The following IQCH variants were observed in gnomAD, a reference collection of about 807,000 sequenced individuals.
The protein encoded by IQCH is IQ domain-containing protein H.
IQCH carries 98 observed loss-of-function variants against 117.0 expected under a neutral mutation model. That is an observed-to-expected ratio of 0.84 (90% CI 0.71 to 0.99). The LOEUF (loss-of-function observed/expected upper bound fraction) is 0.99. Ranked by LOEUF, IQCH falls within the 50% of genes least tolerant of loss-of-function variation. The pLI, the probability that IQCH is intolerant of heterozygous loss-of-function variation, is 0.00. For missense variants in IQCH, 1,102 were observed against 1,243.8 expected (o/e 0.89, Z 1.72); for synonymous variants, 412 against 448.2 (o/e 0.92, Z 1.02).
chr15:67,398,529 G>T (rs941791975), intron 13 of IQCH, among the ~76,000 whole-genome samples: 2 of 152,108 alleles, frequency 1.3e-5, no homozygotes, highest in Admixed American at 1.3e-4. Flanking sequence ...CCCCATAGTT[G>T]TATGAGGTTT....
rs990381026 is a variant in IQCH at position 67,370,931 on chromosome 15, T to A, written c.754-1180T>A. On this transcript the variant is annotated intron_variant, in intron 8 of 20. Transcript: ENST00000335894. The surrounding 1 kb of genome is among the most constrained non-coding windows in gnomAD (Gnocchi z 5.6). Reference sequence around the variant, plus strand: ...TCTGATATAGTAATACTCAACACAGTGCTGTGGCGTAATCATTATGGATAA... The same window carrying A: ...TCTGATATAGTAATACTCAACACAGAGCTGTGGCGTAATCATTATGGATAA... Among the ~76,000 whole-genome samples, 2 of 146,422 alleles carry A rather than the reference T, an allele frequency of 1.4e-5. No individual in the cohort carries two copies. The highest frequency in any genetic ancestry group is 2.5e-5 in the African/African-American group (1 of 39,976).
chr15:67,320,903 G>A (rs1596173995), intron 4 of IQCH, among the ~76,000 whole-genome samples: 1 of 152,164 alleles, frequency 6.6e-6, no homozygotes, highest in Non-Finnish European at 1.5e-5. Context: ...ATACCATTAA[G>A]CCACCTGGAG....
At chr15:67,279,283 G>C (rs1966252018) in intron 3 of IQCH, 112 bp from the exon 4 acceptor site, 1 of 637,548 alleles carries the variant, frequency 1.6e-6, no homozygotes, top group South Asian at 1.9e-5. Context: ...ATTACCAATA[G>C]AATATTTCCT....
chr15:67,418,907 C>T (rs1262730368), intron 15 of IQCH, among the ~76,000 whole-genome samples: 4 of 150,500 alleles, frequency 2.7e-5, no homozygotes, highest in Non-Finnish European at 3.0e-5. Flanking sequence ...TTTAAGTTAT[C>T]GGGGGAAGAC....
rs5813432 is a variant in IQCH, at chr15:67,261,093, CA to C, written c.52-163del. Among the ~76,000 whole-genome samples the C allele has an allele frequency of 7.1e-3, 891 of 126,360 alleles. 23 individuals are homozygous for C. Among genetic ancestry groups the C allele is most frequent in the Admixed American group, 0.049 (599 of 12,288 alleles). The allele number at this position is 126,360 out of a possible 152,430, so 82.9% of individuals were successfully genotyped here. On this transcript the variant is annotated intron_variant, in intron 1 of 20. Coordinates refer to ENST00000335894, the MANE Select transcript of IQCH (RefSeq NM_001031715.3). ...TCTGAGCAAGAGTGAAATTCCATCT[CA>C]AAAAAAAAAAAAAAAGAATGCCTTA... is the stretch of plus-strand genomic sequence containing the variant.
At chr15:67,478,398 G>A (rs2083258772) in intron 18 of IQCH, among the ~76,000 whole-genome samples, 1 of 151,652 alleles carries the variant, frequency 6.6e-6, no homozygotes. Flanking sequence ...AAAAGAAAAG[G>A]CAGACAGAGG....
chr15:67,333,310 G>A (rs1287545083), intron 4 of IQCH, among the ~76,000 whole-genome samples: 2 of 152,166 alleles, frequency 1.3e-5, no homozygotes, highest in African/African-American at 4.8e-5. Context: ...GAGCCTTCAT[G>A]CCTAAAATGT....
rs2083349088 is a variant in IQCH, at chr15:67,481,913, C to A, written c.2799+6095C>A. ...CCTTGGGCCCTCAACTATCTACAGG[C>A]AGGAAGTGGGTGAGAAAGTTTTAAA... On this transcript the variant is annotated intron_variant, in intron 18 of 20. Transcript: ENST00000335894. This position sits in a 1 kb window ranked among gnomAD's most constrained non-coding sequence, Gnocchi z 4.1. 6.6e-6 allele frequency among the ~76,000 whole-genome samples: 1 copy of A among 152,160 alleles called. No homozygotes were observed. The highest frequency in any genetic ancestry group is 2.4e-5 in the African/African-American group (1 of 41,434).
Position 67,408,048 on chromosome 15 carries a change from C to T in IQCH, c.2097+7743C>T, listed in dbSNP as rs1478770523. On this transcript the variant is annotated intron_variant, in intron 14 of 20. Coordinates refer to ENST00000335894, the MANE Select transcript of IQCH (RefSeq NM_001031715.3). The surrounding 1 kb of genome is among the most constrained non-coding windows in gnomAD (Gnocchi z 4.2). ...CAAATGCTTGAAAACAGCAGTGAGG[C>T]GCTATCGCCGCTTCAGCTCCAGGGT... 1.3e-5 allele frequency: 2 copies of T among 152,204 alleles called. No homozygotes were observed. The highest frequency in any genetic ancestry group is 2.4e-5 in the African/African-American group (1 of 41,456). The allele number at this position is 152,204 out of a possible 1,614,324, so 9.4% of individuals were successfully genotyped here.
At chr15:67,367,751 A>G (rs1035887372) in intron 8 of IQCH, among the ~76,000 whole-genome samples, 1 of 152,072 alleles carries the variant, frequency 6.6e-6, no homozygotes, top group Non-Finnish European at 1.5e-5. Flanking sequence ...GGGAAGAGAA[A>G]ACACCCGATG....
At chr15:67,434,988 TTTTTTTTTTAA>T (rs779601909) in intron 16 of IQCH, among the ~76,000 whole-genome samples, 1 of 4,926 alleles carries the variant, frequency 2.0e-4, no homozygotes, top group South Asian at 0.014. Context: ...TGTATCTTTG[TTTTTTTTTTAA>T]TTTTTTTTAA....
Position 67,482,167 on chromosome 15 carries a change from AG to A in IQCH, c.2799+6350del, listed in dbSNP as rs2083355493. Among the ~76,000 whole-genome samples the A allele has an allele frequency of 4.6e-5, 7 of 152,364 alleles. No individual in the cohort carries two copies. In the South Asian group the frequency reaches 1.4e-3, roughly 32 times the overall value. On this transcript the variant is annotated intron_variant, in intron 18 of 20. Transcript: ENST00000335894. Reference sequence around the variant, plus strand: ...CAGAAGGCAGAGTCAAGGACCACAAAGAATAGCGTCTATGCTCATGAAGCAA... The same window carrying A: ...CAGAAGGCAGAGTCAAGGACCACAAAAATAGCGTCTATGCTCATGAAGCAA...
chr15:67,491,651 A>G lies in IQCH; in HGVS notation c.2861+1587A>G, dbSNP rs986377597. Among the ~76,000 whole-genome samples the G allele has an allele frequency of 2.6e-5, 4 of 152,128 alleles. No individual in the cohort carries two copies. Among genetic ancestry groups the G allele is most frequent in the Admixed American group, 1.3e-4 (2 of 15,268 alleles). On this transcript the variant is annotated intron_variant, in intron 19 of 20. Transcript: ENST00000335894. This position sits in a 1 kb window ranked among gnomAD's most constrained non-coding sequence, Gnocchi z 4.9. Reference sequence around the variant, plus strand: ...AGCAACAGAAATGAGACCTCAATCCATAACATCCCAACAAGCTTGCCTTCA... The same window carrying G: ...AGCAACAGAAATGAGACCTCAATCCGTAACATCCCAACAAGCTTGCCTTCA...
In IQCH at chr15:67,472,238, AC is replaced by A. The variant is rs375799075; in HGVS notation, c.2677-3456del. 3.0e-3 allele frequency among the ~76,000 whole-genome samples: 450 copies of A among 152,302 alleles called. 3 individuals carry two copies. Among genetic ancestry groups the A allele is most frequent in the African/African-American group, 0.01 (433 of 41,564 alleles). On this transcript the variant is annotated intron_variant, in intron 17 of 20. Coordinates refer to ENST00000335894, the MANE Select transcript of IQCH (RefSeq NM_001031715.3). This position sits in a 1 kb window ranked among gnomAD's most constrained non-coding sequence, Gnocchi z 4.3. ...AGCAGATGGGACAGAGTCCAAAGAA[AC>A]CTGTGGTCTGCTAGGAAAAGGCAGT...
chr15:67,400,974 AT>A (rs1414671153), intron 14 of IQCH, among the ~76,000 whole-genome samples: 1 of 152,074 alleles, frequency 6.6e-6, no homozygotes, highest in Non-Finnish European at 1.5e-5. Flanking sequence ...AGCTAGCTGT[AT>A]TTTATTATGA....
chr15:67,386,559 T>G lies in IQCH; in HGVS notation c.1456+1540T>G, dbSNP rs1374111429. ...AATGTGAAGAAAATAGAAAAATAAG[T>G]AATAATTTTATGGAAGAATACATTA... On this transcript the variant is annotated intron_variant, in intron 11 of 20. Coordinates refer to ENST00000335894, the MANE Select transcript of IQCH (RefSeq NM_001031715.3). The surrounding 1 kb of genome is among the most constrained non-coding windows in gnomAD (Gnocchi z 5.0). 6.6e-6 allele frequency among the ~76,000 whole-genome samples: 1 copy of G among 152,172 alleles called. No homozygotes were observed. Among genetic ancestry groups the G allele is most frequent in the African/African-American group, 2.4e-5 (1 of 41,450 alleles).
chr15:67,280,656 G>T (rs1422479069), intron 4 of IQCH, among the ~76,000 whole-genome samples: 1 of 152,036 alleles, frequency 6.6e-6, no homozygotes, highest in Non-Finnish European at 1.5e-5. Context: ...CCATTACATT[G>T]GGTTAGGATT....
At position 67,477,054 on chromosome 15, in the gene IQCH, T is replaced by TC. The variant is rs2083221409; in HGVS notation, c.2799+1236_2799+1237insC. 2.2e-5 allele frequency among the ~76,000 whole-genome samples: 3 copies of TC among 137,394 alleles called. No homozygotes were observed. The East Asian group carries it at 6.2e-4, about 28-fold the overall frequency. The allele number at this position is 137,394 out of a possible 152,430, so 90.1% of individuals were successfully genotyped here. ...TATTTTCTTTTTCTTCTTTTTTTTT[T>TC]TTTTTTTTTTTTTTTGAGACAGAGT... On this transcript the variant is annotated intron_variant, in intron 18 of 20. Transcript: ENST00000335894.
chr15:67,315,442 TA>T (rs1967801799), intron 4 of IQCH, among the ~76,000 whole-genome samples: 1 of 152,176 alleles, frequency 6.6e-6, no homozygotes, highest in African/African-American at 2.4e-5. Flanking sequence ...TTCAACTTTT[TA>T]TAATAAATAT....
Sources: gnomAD v4.1 joint callset for allele counts (sites outside exome capture counted in the v4.1 genomes callset) on GRCh38, gnomAD v4.1.1 for gene constraint, Gnocchi (gnomAD v3.1) non-coding constraint, MANE v1.5 for transcripts, NCBI Gene and HGNC (gene_info 2026-07-23, HGNC 2026-07-21) for gene names.